METTL2A: variants seen among roughly 807,000 people sequenced by gnomAD.
METTL2A encodes the protein tRNA N(3)-cytidine methyltransferase METTL2A.
In METTL2A, 45 loss-of-function variants were observed where a neutral mutation model predicts 49.4. That is an observed-to-expected ratio of 0.91 (90% confidence interval 0.72 to 1.17). The LOEUF (loss-of-function observed/expected upper bound fraction) is 1.17. METTL2A is among the 50% of genes most tolerant of loss of function. The pLI is 0.00. For synonymous variants in METTL2A, 118 were observed against 167.5 expected (o/e 0.70, Z 2.28); for missense variants, 361 against 462.2 (o/e 0.78, Z 2.01).
rs778676400 is a variant in METTL2A, at chr17:62,444,918, C to T, written c.891C>T (p.Asp297=). ...TTCTGCGAGATTACGGCCGCTATGACATGGCTCAGCTTCGGTTTAAAAAAG... is the reference window on the plus strand; with the variant it reads ...TTCTGCGAGATTACGGCCGCTATGATATGGCTCAGCTTCGGTTTAAAAAAG... ...MMLLRDYGRY[D]MAQLRFKKGQ... is the part of the protein sequence containing the mutation. The change falls in exon 7 of 9, where the codon GAC becomes GAT. Residue 297 remains aspartate, a synonymous_variant. Coordinates refer to ENST00000311506, the MANE Select transcript of METTL2A (RefSeq NM_181725.4). 2 of 1,613,986 alleles carry T rather than the reference C, an allele frequency of 1.2e-6. No homozygotes were observed. The highest frequency in any genetic ancestry group is 2.2e-5 in the South Asian group (2 of 91,086).
Position 62,451,822 on chromosome 17 carries a change from G to A in METTL2A, c.*3093G>A, listed in dbSNP as rs146492372. Reference sequence around the variant, plus strand: ...GGAGAATCACTTGAATCTGGGAGGCGGAGGTTGCAGTGAGCCGAGATGGCA... The same window carrying A: ...GGAGAATCACTTGAATCTGGGAGGCAGAGGTTGCAGTGAGCCGAGATGGCA... On this transcript the variant is annotated 3_prime_UTR_variant, in exon 9 of 9. Coordinates refer to ENST00000311506, the MANE Select transcript of METTL2A (RefSeq NM_181725.4). Among the ~76,000 whole-genome samples the A allele has an allele frequency of 0.02, 3,085 of 151,828 alleles. 121 individuals are homozygous for A. The highest frequency in any genetic ancestry group is 0.07 in the African/African-American group (2,898 of 41,354).
In METTL2A at chr17:62,440,765, G is replaced by A; in HGVS notation, c.809+9G>A. 6.2e-7 allele frequency: 1 copy of A among 1,609,798 alleles called. No individual in the cohort carries two copies. Among genetic ancestry groups the A allele is most frequent in the Non-Finnish European group, 8.5e-7 (1 of 1,178,960 alleles). On this transcript the variant is annotated intron_variant, in intron 6 of 8. Transcript: ENST00000311506. ...GCAATTGTTCCAGACAAGTAAGTTT[G>A]GGTCCCTTGGCTGGTAGTGTCACAA...
chr17:62,424,203 C>T lies in METTL2A; in HGVS notation c.111-16C>T. ...CAGGACGTGAGGCCCCTAAGCTGCCCGTTTGATTTTCTCAGGGACAATGTG... is the reference window on the plus strand; with the variant it reads ...CAGGACGTGAGGCCCCTAAGCTGCCTGTTTGATTTTCTCAGGGACAATGTG... On this transcript the variant is annotated splice_polypyrimidine_tract_variant and intron_variant, in intron 1 of 8. Coordinates refer to ENST00000311506, the MANE Select transcript of METTL2A (RefSeq NM_181725.4). 6.2e-7 allele frequency: 1 copy of T among 1,614,078 alleles called. No individual in the cohort carries two copies. Among genetic ancestry groups the T allele is most frequent in the Non-Finnish European group, 8.5e-7 (1 of 1,180,020 alleles).
intron 4 of METTL2A, among the ~76,000 whole-genome samples, chr17:62,434,543 G>A (rs1358982786): frequency 6.6e-6 from 1 of 152,108 alleles, no homozygotes; most frequent in Non-Finnish European, 1.5e-5. Flanking sequence ...CAGAATTCTG[G>A]CATTACAAAT....
intron 7 of METTL2A, among the ~76,000 whole-genome samples, chr17:62,445,200 G>A (rs1296951816): frequency 4.0e-5 from 6 of 151,714 alleles, no homozygotes; most frequent in South Asian, 2.1e-4. Context: ...TGTAGATGAC[G>A]GGTTGATGGG....
rs569015600 is a variant in METTL2A at position 62,424,890 on chromosome 17, T to C, written c.202+580T>C. Among the ~76,000 whole-genome samples, 90 of 151,734 alleles carry C rather than the reference T, an allele frequency of 5.9e-4. 1 individual carries two copies. In the South Asian group the frequency reaches 0.019, roughly 32 times the overall value. On this transcript the variant is annotated intron_variant, in intron 2 of 8. Transcript: ENST00000311506. ...TTCACTGCAAAATATCCCTAGATAG[T>C]AAAACTAGGACTGATTGTTCCAGAC...
intron 6 of METTL2A, among the ~76,000 whole-genome samples, chr17:62,441,067 A>G (rs2070736060): frequency 2.0e-5 from 3 of 152,130 alleles, no homozygotes; most frequent in African/African-American, 4.8e-5. Context: ...TGGCCTCCCA[A>G]AGTGCTGGGA....
intron 6 of METTL2A, 82 bp from the exon 7 acceptor site, chr17:62,444,752 ACTG>A: frequency 7.4e-7 from 1 of 1,352,840 alleles, no homozygotes. Context: ...GAGGAAGTCC[ACTG>A]GCTTTTTGGG....
chr17:62,430,632 G>A (rs1333449711), intron 4 of METTL2A, among the ~76,000 whole-genome samples: 4 of 151,890 alleles, frequency 2.6e-5, no homozygotes, highest in Admixed American at 1.3e-4. Context: ...TCACATTCTA[G>A]ATCAGAAGCA....
intron 5 of METTL2A, among the ~76,000 whole-genome samples, chr17:62,440,381 A>G (rs1412310130): frequency 6.6e-6 from 1 of 152,214 alleles, no homozygotes; most frequent in Non-Finnish European, 1.5e-5. Flanking sequence ...TATAATGATT[A>G]GAAATATATC....
intron 4 of METTL2A, among the ~76,000 whole-genome samples, chr17:62,433,742 C>CA (rs907463434): frequency 0.017 from 2,097 of 124,176 alleles, 49 homozygotes; most frequent in African/African-American, 0.054. Flanking sequence ...CCTCGTGTCT[C>CA]AAAAAAAAAA....
intron 7 of METTL2A, 32 bp from the exon 8 acceptor site, chr17:62,447,669 G>A (rs972791419): frequency 1.2e-6 from 2 of 1,612,666 alleles, no homozygotes; most frequent in Admixed American, 1.7e-5. Context: ...GTGCTTTTAA[G>A]TGTCTCTGAT....
intron 4 of METTL2A, among the ~76,000 whole-genome samples, chr17:62,433,692 A>G (rs1054100959): frequency 2.7e-5 from 4 of 150,482 alleles, no homozygotes; most frequent in Non-Finnish European, 5.9e-5. Flanking sequence ...GTGAGCTGAG[A>G]TTGCGCCACT....
intron 4 of METTL2A, among the ~76,000 whole-genome samples, chr17:62,429,493 A>C (rs1379927160): frequency 6.6e-6 from 1 of 151,182 alleles, no homozygotes; most frequent in Non-Finnish European, 1.5e-5. Context: ...GTTTCACCAC[A>C]TTGGCCAGGC....
chr17:62,426,881 T>C (rs2144135006), intron 3 of METTL2A, among the ~76,000 whole-genome samples: 1 of 152,350 alleles, frequency 6.6e-6, no homozygotes, highest in East Asian at 1.9e-4. Flanking sequence ...GAGAATAGCA[T>C]GTCACTTCCA....
In METTL2A at chr17:62,451,427, C is replaced by T. The variant is rs1028679224; in HGVS notation, c.*2698C>T. Among the ~76,000 whole-genome samples, 11 of 148,652 alleles carry T rather than the reference C, an allele frequency of 7.4e-5. No individual in the cohort carries two copies. The highest frequency in any genetic ancestry group is 2.7e-4 in the African/African-American group (11 of 40,824). On this transcript the variant is annotated 3_prime_UTR_variant, in exon 9 of 9. Transcript: ENST00000311506. ...CCTCCCAAAGTGCTGGGATTACAGGCGTGAGCCACCACGCCCGGCCAAGAC... is the reference window on the plus strand; with the variant it reads ...CCTCCCAAAGTGCTGGGATTACAGGTGTGAGCCACCACGCCCGGCCAAGAC...
intron 5 of METTL2A, 73 bp downstream of exon 5, chr17:62,435,365 G>T: frequency 6.3e-7 from 1 of 1,598,244 alleles, no homozygotes; most frequent in Non-Finnish European, 8.6e-7. Flanking sequence ...AAAAATCAAG[G>T]TCTCTGGCTG....
At chr17:62,439,001 C>T (rs1170168677) in intron 5 of METTL2A, among the ~76,000 whole-genome samples, 14 of 109,092 alleles carry the variant, frequency 1.3e-4, no homozygotes, top group South Asian at 5.6e-4. Context: ...TTTTTTGCGA[C>T]GGAGTCTAGC....
chr17:62,442,057 T>C (rs2070742170), intron 6 of METTL2A, among the ~76,000 whole-genome samples: 1 of 152,038 alleles, frequency 6.6e-6, no homozygotes, highest in Non-Finnish European at 1.5e-5. Context: ...CCCAGCCTAT[T>C]GGCCTTTTAA....
Sources: gnomAD v4.1 joint callset for allele counts (sites outside exome capture counted in the v4.1 genomes callset) on GRCh38, gnomAD v4.1.1 for gene constraint, MANE v1.5 for transcripts, NCBI Gene and HGNC (gene_info 2026-07-23, HGNC 2026-07-21) for gene names.